ACTR3C: variants seen among roughly 807,000 people sequenced by gnomAD.
The protein encoded by ACTR3C is actin related protein 3C, also known as actin-related protein 3C.
Under a neutral mutation model 26.3 loss-of-function variants are expected in ACTR3C, and 18 were observed. The observed-to-expected ratio is 0.68, with a 90% CI of 0.47 to 1.01. The LOEUF is 1.01. Ranked by LOEUF, ACTR3C falls within the 50% of genes least tolerant of loss-of-function variation. The pLI, the probability that ACTR3C is intolerant of heterozygous loss-of-function variation, is 0.00. For missense variants in ACTR3C, 184 were observed against 250.7 expected, an observed-to-expected ratio of 0.73 and a Z score of 1.80; for synonymous variants, 55 against 94.5, an observed-to-expected ratio of 0.58 and a Z score of 2.42.
the ACTR3C span, among the ~76,000 whole-genome samples, chr7:150,082,300 C>G: frequency 6.6e-6 from 1 of 152,186 alleles, no homozygotes; most frequent in African/African-American, 2.4e-5. Context: ...GGTGTCCACT[C>G]TCATCCCCTT....
chr7:150,284,133 CG>C (rs1835570520), intron 6 of ACTR3C, among the ~76,000 whole-genome samples: 2 of 152,148 alleles, frequency 1.3e-5, no homozygotes. Flanking sequence ...ATGGAATTCA[CG>C]GAAAGCATGG....
At chr7:150,277,801 C>G (rs1835004381) in intron 6 of ACTR3C, among the ~76,000 whole-genome samples, 1 of 152,216 alleles carries the variant, frequency 6.6e-6, no homozygotes, top group Admixed American at 6.5e-5. Context: ...ACTGTCCTGC[C>G]TCTGCGTGGT....
At chr7:149,915,743 A>G in the ACTR3C span, among the ~76,000 whole-genome samples, 1 of 150,914 alleles carries the variant, frequency 6.6e-6, no homozygotes, top group African/African-American at 2.5e-5. Context: ...TAATGCACAT[A>G]CCCTATTAGC....
intron 6 of ACTR3C, among the ~76,000 whole-genome samples, chr7:150,280,161 G>A (rs1029356275): frequency 6.6e-6 from 1 of 152,164 alleles, no homozygotes; most frequent in African/African-American, 2.4e-5. Context: ...CCATCCAGGT[G>A]TCCAGGCTCC....
At chr7:150,264,555 G>T (rs1833883168) in intron 6 of ACTR3C, 1 of 968,266 alleles carries the variant, frequency 1.0e-6, no homozygotes, top group Admixed American at 6.2e-5. Flanking sequence ...GGTGCTCTGA[G>T]TCCAGGTTAT....
At chr7:149,921,426 C>G in the ACTR3C span, among the ~76,000 whole-genome samples, 4 of 152,280 alleles carry the variant, frequency 2.6e-5, no homozygotes, top group African/African-American at 9.6e-5. Flanking sequence ...CTTTTAATTC[C>G]TGAAATGATT....
At chr7:150,310,601 G>A (rs1796221673) in intron 1 of ACTR3C, among the ~76,000 whole-genome samples, 1 of 151,278 alleles carries the variant, frequency 6.6e-6, no homozygotes, top group Admixed American at 6.6e-5. Context: ...CGACCTCAAA[G>A]ATGCCTTCTT....
the ACTR3C span, among the ~76,000 whole-genome samples, chr7:149,911,879 T>C: frequency 1.5e-3 from 222 of 152,160 alleles, no homozygotes; most frequent in African/African-American, 5.2e-3. Flanking sequence ...CCTATCTGTA[T>C]GTCAGTTACT....
chr7:150,323,471 G>T lies in ACTR3C; in HGVS notation c.-54C>A. ...GGCGGCGGGGCTGCGGCTCTTACCTGCCGAGGAGGCGCCGGCTCTGCGGTG... is the reference window on the plus strand; with the variant it reads ...GGCGGCGGGGCTGCGGCTCTTACCTTCCGAGGAGGCGCCGGCTCTGCGGTG... On this transcript the variant is annotated splice_region_variant and 5_prime_UTR_variant, in exon 1 of 8. Coordinates refer to ENST00000683684, the MANE Select transcript of ACTR3C (RefSeq NM_001164458.2). 2.5e-6 allele frequency: 1 copy of T among 405,904 alleles called. No individual in the cohort carries two copies. The highest frequency in any genetic ancestry group is 2.9e-5 in the Admixed American group (1 of 34,762). The allele number at this position is 405,904 out of a possible 1,614,324, so 25.1% of individuals were successfully genotyped here. A position where few individuals can be genotyped will look rare whatever the true frequency, so the allele number is the denominator to read the frequency against.
At chr7:149,956,951 G>A in the ACTR3C span, among the ~76,000 whole-genome samples, 2 of 152,218 alleles carry the variant, frequency 1.3e-5, no homozygotes, top group Admixed American at 6.5e-5. Context: ...TCAAGAGAAG[G>A]AATCTTTATC....
At chr7:150,043,753 A>G in the ACTR3C span, among the ~76,000 whole-genome samples, 1 of 152,238 alleles carries the variant, frequency 6.6e-6, no homozygotes. Flanking sequence ...TTTATTAGGA[A>G]AATCATGTGA....
chr7:150,125,563 A>T, the ACTR3C span, among the ~76,000 whole-genome samples: 1 of 150,314 alleles, frequency 6.7e-6, no homozygotes, highest in African/African-American at 2.4e-5. Flanking sequence ...TAAGTGAAAT[A>T]ATTTTTTTTT....
In ACTR3C at chr7:150,297,939, A is replaced by G. The variant is rs550180588; in HGVS notation, c.-51-2592T>C. Among the ~76,000 whole-genome samples, 5 of 151,574 alleles carry G rather than the reference A, an allele frequency of 3.3e-5. 1 individual carries two copies. The South Asian group carries it at 1.0e-3, about 32-fold the overall frequency. ...ATAAATTTTAATGGAAAAAAATGAT[A>G]TCAAGTTGAGCAGTGCACAAGGAAA... On this transcript the variant is annotated intron_variant, in intron 1 of 7. Transcript: ENST00000683684.
the ACTR3C span, among the ~76,000 whole-genome samples, chr7:150,085,813 A>G: frequency 6.6e-5 from 10 of 152,248 alleles, no homozygotes; most frequent in East Asian, 1.2e-3. Context: ...CTTTATCCCA[A>G]TTCTTTAGAA....
chr7:149,945,523 C>T, the ACTR3C span, among the ~76,000 whole-genome samples: 2 of 152,180 alleles, frequency 1.3e-5, no homozygotes, highest in African/African-American at 4.8e-5. Flanking sequence ...CAGATCAGTG[C>T]TGAGGAGGCT....
the ACTR3C span, among the ~76,000 whole-genome samples, chr7:149,957,312 T>G: frequency 6.6e-6 from 1 of 152,190 alleles, no homozygotes; most frequent in Non-Finnish European, 1.5e-5. Context: ...CGATGGCTAA[T>G]TTCATTAACC....
At chr7:149,893,394 G>A in the ACTR3C span, among the ~76,000 whole-genome samples, 1 of 152,192 alleles carries the variant, frequency 6.6e-6, no homozygotes, top group Non-Finnish European at 1.5e-5. Flanking sequence ...TCTCCAGTGG[G>A]AGGCTCAGAT....
the ACTR3C span, among the ~76,000 whole-genome samples, chr7:150,227,834 CAA>C: frequency 1.3e-5 from 2 of 150,990 alleles, no homozygotes; most frequent in South Asian, 2.1e-4. Context: ...TCTGGGCTCT[CAA>C]TTCTGTTTCA....
chr7:150,047,774 G>T, the ACTR3C span: 1 of 1,520,154 alleles, frequency 6.6e-7, no homozygotes, highest in Non-Finnish European at 8.8e-7. Context: ...GGCCGCCCAG[G>T]AGGTGACTCG....
Sources: allele counts gnomAD v4.1 joint callset (sites outside exome capture counted in the v4.1 genomes callset), GRCh38; gene constraint gnomAD v4.1.1; transcripts MANE v1.5; gene names NCBI Gene and HGNC (gene_info 2026-07-23, HGNC 2026-07-21).